Variants in ACER1 observed in about 807,000 individuals in gnomAD.
ACER1 encodes the protein alkaline ceramidase 1.
Under a neutral mutation model 24.9 loss-of-function variants are expected in ACER1, and 28 were observed. The observed-to-expected ratio is 1.13, with a 90% CI of 0.83 to 1.54. ACER1 has a LOEUF of 1.54. Among genes scored for constraint, ACER1 ranks in the 40% most tolerant of loss-of-function variants. The pLI, the probability that ACER1 is intolerant of heterozygous loss-of-function variation, is 0.00. For missense variants in ACER1, 352 were observed against 349.3 expected, an observed-to-expected ratio of 1.01 and a Z score of -0.06; for synonymous variants, 132 against 131.4, an observed-to-expected ratio of 1.00 and a Z score of -0.03.
At chr19:6,351,636 C>T in the ACER1 span, among the ~76,000 whole-genome samples, 14 of 149,726 alleles carry the variant, frequency 9.4e-5, no homozygotes, top group African/African-American at 3.0e-4. Context: ...AGGAGGCTGA[C>T]GCAGGAAGAT....
In ACER1 at chr19:6,309,853, A is replaced by G. The variant is rs1040387637; in HGVS notation, c.351-19T>C. Reference sequence around the variant, plus strand: ...CTGGGACCTGGGGAGGAAGGGGCTCAGCTGTAGGCGGGAAGGGAGGTCCTG... The same window carrying G: ...CTGGGACCTGGGGAGGAAGGGGCTCGGCTGTAGGCGGGAAGGGAGGTCCTG... On this transcript the variant is annotated intron_variant, in intron 3 of 5. Coordinates refer to ENST00000301452, the MANE Select transcript of ACER1 (RefSeq NM_133492.3). 6.2e-7 allele frequency: 1 copy of G among 1,613,578 alleles called. No individual in the cohort carries two copies. Among genetic ancestry groups the G allele is most frequent in the African/African-American group, 1.3e-5 (1 of 74,920 alleles).
Position 6,306,801 on chromosome 19 carries a change from T to G in ACER1, c.708A>C (p.Glu236Asp), listed in dbSNP as rs1410076657. The G allele has an allele frequency of 1.1e-5, 18 of 1,614,046 alleles. No individual in the cohort carries two copies. Among genetic ancestry groups the G allele is most frequent in the Non-Finnish European group, 1.5e-5 (18 of 1,180,040 alleles). The change falls in exon 6 of 6, where the codon GAA becomes GAC. Residue 236 changes from glutamate to aspartate, a missense_variant. Coordinates refer to ENST00000301452, the MANE Select transcript of ACER1 (RefSeq NM_133492.3). ...LVDANYEMPG[E>D]TLKVRYWPRD... Reference sequence around the variant, plus strand: ...GAGGCCAGTAGCGGACTTTGAGGGTTTCACCTGGCATCTCATAGTTGGCAT... The same window carrying G: ...GAGGCCAGTAGCGGACTTTGAGGGTGTCACCTGGCATCTCATAGTTGGCAT...
Position 6,306,630 on chromosome 19 carries a change from G to T in ACER1, c.*84C>A, listed in dbSNP as rs962098658. On this transcript the variant is annotated 3_prime_UTR_variant, in exon 6 of 6. Coordinates refer to ENST00000301452, the MANE Select transcript of ACER1 (RefSeq NM_133492.3). ...CAGAGGAAGGAACCACGAGTGTCCCGCAGGTGCAAGTCCTGACCGGGGCTA... is the reference window on the plus strand; with the variant it reads ...CAGAGGAAGGAACCACGAGTGTCCCTCAGGTGCAAGTCCTGACCGGGGCTA... 6.8e-7 allele frequency: 1 copy of T among 1,479,152 alleles called. No individual in the cohort carries two copies. Among genetic ancestry groups the T allele is most frequent in the Non-Finnish European group, 9.2e-7 (1 of 1,092,100 alleles). 91.6% of individuals were successfully genotyped at this position (1,479,152 alleles called of 1,614,324 possible). A position where few individuals can be genotyped will look rare whatever the true frequency, so the allele number is the denominator to read the frequency against.
At chr19:6,309,478 C>T (rs922941930) in intron 4 of ACER1, among the ~76,000 whole-genome samples, 1 of 151,938 alleles carries the variant, frequency 6.6e-6, no homozygotes, top group Non-Finnish European at 1.5e-5. Context: ...GCCAAGATCA[C>T]GCCCCTGCAC....
chr19:6,323,517 C>T (rs552538593), intron 1 of ACER1, among the ~76,000 whole-genome samples: 16 of 152,304 alleles, frequency 1.1e-4, no homozygotes, highest in African/African-American at 1.9e-4. Flanking sequence ...ACTTGCTCCT[C>T]CTTGCCTTCC....
upstream of ACER1, among the ~76,000 whole-genome samples, chr19:6,334,196 C>T (rs373555355): frequency 5.3e-5 from 8 of 152,182 alleles, no homozygotes; most frequent in African/African-American, 1.4e-4. Context: ...AGGCGCCCAC[C>T]GCCACGACCG....
intron 1 of ACER1, among the ~76,000 whole-genome samples, chr19:6,321,007 T>C (rs1289463651): frequency 1.3e-5 from 2 of 151,526 alleles, no homozygotes; most frequent in African/African-American, 4.8e-5. Context: ...TTTTTTAACA[T>C]CCCTATTTTT....
At chr19:6,311,033 G>A (rs1302138191) in intron 3 of ACER1, among the ~76,000 whole-genome samples, 3 of 151,878 alleles carry the variant, frequency 2.0e-5, no homozygotes, top group Non-Finnish European at 4.4e-5. Context: ...GAGGGTCCCA[G>A]GGAGCCTGGG....
At position 6,329,986 on chromosome 19, in the gene ACER1, TC is replaced by T. The variant is rs1269557407; in HGVS notation, c.93+3472del. 2.0e-5 allele frequency among the ~76,000 whole-genome samples: 3 copies of T among 151,294 alleles called. No individual in the cohort carries two copies. In the East Asian group the frequency reaches 5.8e-4, roughly 29 times the overall value. ...ACCGGGTTCACATAATTCTCCTGCCTCAGCCTCCCGAGTAGCTGGGACCACA... is the reference window on the plus strand; with the variant it reads ...ACCGGGTTCACATAATTCTCCTGCCTAGCCTCCCGAGTAGCTGGGACCACA... On this transcript the variant is annotated intron_variant, in intron 1 of 5. Coordinates refer to ENST00000301452, the MANE Select transcript of ACER1 (RefSeq NM_133492.3).
chr19:6,336,264 A>G (rs1250670545), upstream of ACER1, among the ~76,000 whole-genome samples: 1 of 151,374 alleles, frequency 6.6e-6, no homozygotes, highest in Non-Finnish European at 1.5e-5. Flanking sequence ...TGGCGCAATC[A>G]TAGTTCAATG....
At chr19:6,343,506 C>T in the ACER1 span, among the ~76,000 whole-genome samples, 1 of 151,884 alleles carries the variant, frequency 6.6e-6, no homozygotes, top group Non-Finnish European at 1.5e-5. Context: ...GGCCTCCACT[C>T]ACAAAATGTG....
chr19:6,331,430 T>G (rs1180840021), intron 1 of ACER1, among the ~76,000 whole-genome samples: 1 of 130,318 alleles, frequency 7.7e-6, no homozygotes, highest in African/African-American at 3.3e-5. Flanking sequence ...ATTACAGGCG[T>G]GAGCCATAGC....
At chr19:6,348,954 G>A in the ACER1 span, among the ~76,000 whole-genome samples, 1 of 151,986 alleles carries the variant, frequency 6.6e-6, no homozygotes, top group Non-Finnish European at 1.5e-5. Flanking sequence ...TACTCCAGAG[G>A]CTGAGGCAGA....
chr19:6,339,078 T>C, the ACER1 span, among the ~76,000 whole-genome samples: 1 of 151,772 alleles, frequency 6.6e-6, no homozygotes, highest in Non-Finnish European at 1.5e-5. Flanking sequence ...GGTTTCAGCA[T>C]GTTAGCCAGG....
intron 1 of ACER1, among the ~76,000 whole-genome samples, chr19:6,322,683 G>T (rs1275742110): frequency 1.3e-5 from 2 of 152,122 alleles, no homozygotes; most frequent in East Asian, 3.9e-4. Context: ...GATATGATTT[G>T]GCTGTGTCCC....
chr19:6,329,356 T>TATAGAAGAGA (rs1555716485), intron 1 of ACER1, among the ~76,000 whole-genome samples: 1 of 133,938 alleles, frequency 7.5e-6, no homozygotes, highest in Non-Finnish European at 1.6e-5. Flanking sequence ...GGCTTTTTGA[T>TATAGAAGAGA]ATAGAATAGA....
At chr19:6,349,149 AGAAG>A in the ACER1 span, among the ~76,000 whole-genome samples, 1 of 151,048 alleles carries the variant, frequency 6.6e-6, no homozygotes, top group African/African-American at 2.4e-5. Flanking sequence ...GAAGAAAGAA[AGAAG>A]GAAGAAGGAA....
At chr19:6,359,461 G>A in the ACER1 span, among the ~76,000 whole-genome samples, 3 of 151,856 alleles carry the variant, frequency 2.0e-5, no homozygotes, top group Non-Finnish European at 2.9e-5. Flanking sequence ...TGGGATTACA[G>A]GCATTCACCA....
In ACER1 at chr19:6,307,207, C is replaced by T. The variant is rs151165925; in HGVS notation, c.572G>A (p.Arg191His). The part of the protein sequence containing the change: ...AVALTSWISD[R>H]LLCSFWQRIH... Reference sequence around the variant, plus strand: ...CCTCTGCCAGAAGCTGCAAAGCAGACGGTCACTGATCCAGCTGGTCAGAGC... The same window carrying T: ...CCTCTGCCAGAAGCTGCAAAGCAGATGGTCACTGATCCAGCTGGTCAGAGC... The change falls in exon 5 of 6, where the codon CGT becomes CAT. Residue 191 changes from arginine (R) to histidine (H), a missense_variant. By Grantham distance (29) the Arg-to-His change is conservative (BLOSUM62 0). Transcript: ENST00000301452. The T allele has an allele frequency of 8.6e-5, 139 of 1,614,008 alleles. No homozygotes were observed. The highest frequency in any genetic ancestry group is 1.8e-4 in the Admixed American group (11 of 59,996).
Sources: allele counts gnomAD v4.1 joint callset (sites outside exome capture counted in the v4.1 genomes callset), GRCh38; gene constraint gnomAD v4.1.1; transcripts MANE v1.5; gene names NCBI Gene and HGNC (gene_info 2026-07-23, HGNC 2026-07-21).